Variants in ZCCHC2 observed in about 807,000 individuals in gnomAD.
The protein encoded by ZCCHC2 is zinc finger CCHC domain-containing protein 2.
ZCCHC2 carries 39 observed loss-of-function variants against 103.6 expected under a neutral mutation model. That is an observed-to-expected ratio of 0.38 (90% CI 0.29 to 0.49). The LOEUF (loss-of-function observed/expected upper bound fraction) is 0.49, where lower values mean the gene tolerates loss of function less well. Among genes scored for constraint, ZCCHC2 ranks in the 20% least tolerant of loss-of-function variants. ZCCHC2 has a pLI of 0.96. For missense variants in ZCCHC2, 1,483 were observed against 1,491.0 expected, an observed-to-expected ratio of 0.99 and a Z score of 0.09; for synonymous variants, 687 against 608.9, an observed-to-expected ratio of 1.13 and a Z score of -1.89.
intron 8 of ZCCHC2, among the ~76,000 whole-genome samples, chr18:62,562,721 T>G (rs1441769405): frequency 2.0e-5 from 3 of 152,248 alleles, no homozygotes; most frequent in Non-Finnish European, 4.4e-5. Flanking sequence ...GCAGGTTGTA[T>G]AAGCCTCTCT....
intron 2 of ZCCHC2, among the ~76,000 whole-genome samples, chr18:62,540,546 C>G (rs1235168622): frequency 6.6e-6 from 1 of 151,290 alleles, no homozygotes; most frequent in Non-Finnish European, 1.5e-5. Flanking sequence ...ATATAATGAC[C>G]ACTTCTATTC....
At chr18:62,551,377 A>AG (rs1310879093) in intron 5 of ZCCHC2, 1 of 152,236 alleles carries the variant, frequency 6.6e-6, no homozygotes, top group Non-Finnish European at 1.5e-5. Flanking sequence ...CCGGCAGCTC[A>AG]GGTCCAAGTG....
At chr18:62,550,072 C>T (rs1161562259) in intron 4 of ZCCHC2, among the ~76,000 whole-genome samples, 1 of 152,198 alleles carries the variant, frequency 6.6e-6, no homozygotes, top group Non-Finnish European at 1.5e-5. Context: ...AAGGTCCATG[C>T]AGGCATCCTC....
chr18:62,543,303 T>A (rs747755209), intron 3 of ZCCHC2, among the ~76,000 whole-genome samples: 4 of 152,192 alleles, frequency 2.6e-5, no homozygotes, highest in Non-Finnish European at 5.9e-5. Flanking sequence ...TGTTTTCTCC[T>A]TCATCCATGA....
At chr18:62,547,288 G>A (rs867786688) in intron 4 of ZCCHC2, among the ~76,000 whole-genome samples, 46 of 148,920 alleles carry the variant, frequency 3.1e-4, no homozygotes, top group African/African-American at 1.0e-3. Context: ...TCATGCCATT[G>A]CACTCCAGCC....
chr18:62,566,490 G>A (rs1916369079), intron 11 of ZCCHC2, among the ~76,000 whole-genome samples: 1 of 152,154 alleles, frequency 6.6e-6, no homozygotes, highest in Non-Finnish European at 1.5e-5. Flanking sequence ...GGCCCTCCCT[G>A]TCTCTGTTCC....
chr18:62,548,200 GA>G (rs1245713952), intron 4 of ZCCHC2, among the ~76,000 whole-genome samples: 1 of 151,966 alleles, frequency 6.6e-6, no homozygotes, highest in East Asian at 1.9e-4. Flanking sequence ...TGAAAGGTGA[GA>G]AAATTCAAAA....
At chr18:62,558,144 C>G (rs1192296831) in intron 6 of ZCCHC2, among the ~76,000 whole-genome samples, 1 of 151,798 alleles carries the variant, frequency 6.6e-6, no homozygotes, top group African/African-American at 2.4e-5. Flanking sequence ...AGATGTTGAA[C>G]TGTGGAGTCC....
chr18:62,533,383 G>A (rs961975233), intron 1 of ZCCHC2, among the ~76,000 whole-genome samples: 2 of 150,424 alleles, frequency 1.3e-5, no homozygotes, highest in Non-Finnish European at 3.0e-5. Flanking sequence ...AAAATTAGTC[G>A]GGCGTGTAGT....
At position 62,543,569 on chromosome 18, in the gene ZCCHC2, C is replaced by T. The variant is rs556925722; in HGVS notation, c.1128+995C>T. On this transcript the variant is annotated intron_variant, in intron 3 of 13. Coordinates refer to ENST00000269499, the MANE Select transcript of ZCCHC2 (RefSeq NM_017742.6). ...TGGCCTCTTTTGCTGCTGGAGCTCA[C>T]AGCTTGCCTTCCTAAAGGCTTCACT... is the stretch of plus-strand genomic sequence containing the variant. 1.6e-3 allele frequency among the ~76,000 whole-genome samples: 245 copies of T among 152,330 alleles called. 1 individual carries two copies. The highest frequency in any genetic ancestry group is 5.7e-3 in the African/African-American group (237 of 41,576).
intron 1 of ZCCHC2, among the ~76,000 whole-genome samples, chr18:62,527,575 G>GT (rs1182324716): frequency 6.6e-6 from 1 of 152,166 alleles, no homozygotes; most frequent in African/African-American, 2.4e-5. Flanking sequence ...AATGTCAGCA[G>GT]TTTTTTTAGG....
intron 1 of ZCCHC2, chr18:62,526,090 C>G (rs1397043999): frequency 6.6e-6 from 1 of 151,934 alleles, no homozygotes; most frequent in Non-Finnish European, 1.5e-5. Flanking sequence ...TTTCCCTTTT[C>G]TTTCTTTAAA....
chr18:62,563,110 A>G lies in ZCCHC2; in HGVS notation c.1652A>G (p.Gln551Arg), dbSNP rs374587965. The part of the protein sequence containing the change: ...DWRKQSCTTI[Q>R]HPEHCVTSAD... Reference sequence around the variant, plus strand: ...AGGAAGCAAAGCTGTACCACCATTCAACACCCAGAGCACTGTGTGACCTCG... The same window carrying G: ...AGGAAGCAAAGCTGTACCACCATTCGACACCCAGAGCACTGTGTGACCTCG... Residue 551 changes from glutamine (Q) to arginine (R), a missense_variant, in exon 9 of 14, where the codon CAA becomes CGA. Physicochemically the swap from Gln to Arg is conservative, Grantham distance 43 (BLOSUM62 1). Coordinates refer to ENST00000269499, the MANE Select transcript of ZCCHC2 (RefSeq NM_017742.6). The G allele has an allele frequency of 3.0e-5, 49 of 1,613,848 alleles. No individual in the cohort carries two copies. Among genetic ancestry groups the G allele is most frequent in the Non-Finnish European group, 3.7e-5 (44 of 1,179,846 alleles).
intron 11 of ZCCHC2, among the ~76,000 whole-genome samples, chr18:62,567,229 G>A (rs1014664023): frequency 1.3e-5 from 2 of 152,116 alleles, no homozygotes; most frequent in Non-Finnish European, 2.9e-5. Context: ...AGGAAGAATT[G>A]TCTTTAAGCA....
chr18:62,575,108 A>G lies in ZCCHC2; in HGVS notation c.3027A>G (p.Ser1009=), dbSNP rs764110803. The change falls in exon 13 of 14, where the codon TCA becomes TCG. Residue 1009 remains serine, a synonymous_variant. Coordinates refer to ENST00000269499, the MANE Select transcript of ZCCHC2 (RefSeq NM_017742.6). Reference sequence around the variant, plus strand: ...TAGTGCCACCGCAGCAGATGGGCTCAGGTCCTTGTGGTTCTTGTGGGCGAA... The same window carrying G: ...TAGTGCCACCGCAGCAGATGGGCTCGGGTCCTTGTGGTTCTTGTGGGCGAA... ...GTVVPPQQMG[S]GPCGSCGRRC... is the part of the protein sequence containing the mutation. The G allele has an allele frequency of 2.5e-6, 4 of 1,614,032 alleles. No homozygotes were observed. In the South Asian group the frequency reaches 3.3e-5, roughly 13 times the overall value.
At chr18:62,541,168 T>C (rs532252095) in intron 2 of ZCCHC2, among the ~76,000 whole-genome samples, 1 of 152,382 alleles carries the variant, frequency 6.6e-6, no homozygotes, top group South Asian at 2.1e-4. Context: ...GCTCTTATCC[T>C]ATTGCACAGT....
intron 6 of ZCCHC2, chr18:62,558,464 T>C (rs1915983049): frequency 3.4e-6 from 1 of 292,470 alleles, no homozygotes; most frequent in South Asian, 1.2e-4. Context: ...TGAAATGACT[T>C]GTCCAGGTCA....
Position 62,538,260 on chromosome 18 carries a change from CA to C in ZCCHC2, c.940-1404del, listed in dbSNP as rs35609138. ...TGGGCAACAGAGAGAGACCCTGTCT[CA>C]AAAAAAAAAAAAAAAAGAAAGAATT... On this transcript the variant is annotated intron_variant, in intron 1 of 13. Transcript: ENST00000269499. Among the ~76,000 whole-genome samples the C allele has an allele frequency of 9.3e-4, 114 of 122,626 alleles. 1 individual carries two copies. In the East Asian group the frequency reaches 0.015, roughly 16 times the overall value. The allele number at this position is 122,626 out of a possible 152,430, so 80.4% of individuals were successfully genotyped here. A position where few individuals can be genotyped will look rare whatever the true frequency, so the allele number is the denominator to read the frequency against.
intron 4 of ZCCHC2, among the ~76,000 whole-genome samples, chr18:62,548,975 T>C (rs185926522): frequency 6.6e-6 from 1 of 151,478 alleles, no homozygotes; most frequent in Non-Finnish European, 1.5e-5. Flanking sequence ...ATCCCAGCAA[T>C]TTGGGGGGTC....
Sources: gnomAD v4.1 joint callset for allele counts (sites outside exome capture counted in the v4.1 genomes callset) on GRCh38, gnomAD v4.1.1 for gene constraint, MANE v1.5 for transcripts, NCBI Gene and HGNC (gene_info 2026-07-23, HGNC 2026-07-21) for gene names.